The following TUBGCP4 variants were observed in gnomAD, a reference collection of about 807,000 sequenced individuals.
TUBGCP4 encodes the protein tubulin gamma complex component 4.
Under a neutral mutation model 91.6 loss-of-function variants are expected in TUBGCP4, and 54 were observed. The ratio of observed to expected loss-of-function variants is 0.59; its 90% confidence interval spans 0.47 to 0.74. TUBGCP4 has a LOEUF of 0.74. TUBGCP4 is among the 30% of genes least tolerant of loss of function. The probability of loss-of-function intolerance (pLI) is 0.00; values close to 1 mark genes in which losing one functional copy is unlikely to be tolerated. For synonymous variants in TUBGCP4, 297 were observed against 302.8 expected (o/e 0.98, Z 0.20); for missense variants, 593 against 800.9 (o/e 0.74, Z 3.13).
intron 1 of TUBGCP4, among the ~76,000 whole-genome samples, chr15:43,374,931 C>A (rs1285060543): frequency 6.6e-6 from 1 of 152,224 alleles, no homozygotes; most frequent in Non-Finnish European, 1.5e-5. Context: ...GAGACAGAGT[C>A]TCGCTCTGTT....
chr15:43,374,852 A>C (rs891478140), intron 1 of TUBGCP4, among the ~76,000 whole-genome samples: 2 of 152,256 alleles, frequency 1.3e-5, no homozygotes, highest in African/African-American at 4.8e-5. Context: ...AAATTCTGGC[A>C]TGTGCTACAA....
chr15:43,386,069 G>A (rs1476875279), intron 8 of TUBGCP4, 113 bp downstream of exon 8: 2 of 1,523,872 alleles, frequency 1.3e-6, no homozygotes, highest in Non-Finnish European at 1.8e-6. Context: ...TTCCTATCCT[G>A]AGATTGTAGC....
chr15:43,376,537 T>G lies in TUBGCP4; in HGVS notation c.242T>G (p.Leu81Ter), dbSNP rs533037994. The change falls in exon 3 of 18, where the codon TTA (leucine) becomes TGA (stop). Residue 81 changes from leucine to a stop codon, truncating the protein, a stop_gained. Coordinates refer to ENST00000564079, the MANE Select transcript of TUBGCP4 (RefSeq NM_014444.5). LOFTEE classifies it high-confidence loss of function. ...HHPSQQGQGGLHGIYLRAFCT... is the reference protein window; with the variant it reads ...HHPSQQGQGG ...CCATCTCAACAGGGCCAAGGTGGGT[T>G]ACATGGAATCTACCTGCGGGCCTTC... The G allele has an allele frequency of 6.2e-7, 1 of 1,614,244 alleles. No homozygotes were observed. The highest frequency in any genetic ancestry group is 1.3e-5 in the African/African-American group (1 of 75,056).
chr15:43,400,342 C>A lies in TUBGCP4; in HGVS notation c.1596+121C>A, dbSNP rs1264463508. 25 of 682,748 alleles carry A rather than the reference C, an allele frequency of 3.7e-5. No homozygotes were observed. The East Asian group carries it at 6.3e-4, about 17-fold the overall frequency. The allele number at this position is 682,748 out of a possible 1,614,324, so 42.3% of individuals were successfully genotyped here. On this transcript the variant is annotated intron_variant, in intron 14 of 17. Transcript: ENST00000564079. ...TAAAATGGTGGGGTTTGGGAAAATT[C>A]AGGAGTTATATCACCAAGCATGTTT...
chr15:43,378,518 C>T (rs2044240711), intron 5 of TUBGCP4, among the ~76,000 whole-genome samples: 1 of 152,150 alleles, frequency 6.6e-6, no homozygotes, highest in Non-Finnish European at 1.5e-5. Flanking sequence ...TAGCTCAAGT[C>T]GTCATTTTTT....
chr15:43,408,808 A>G lies in TUBGCP4; in HGVS notation c.*3594A>G. On this transcript the variant is annotated 3_prime_UTR_variant, in exon 18 of 18. Transcript: ENST00000564079. ...ATCCCACAGACATTCCAATTTCTAG[A>G]AAGCTTTACTCTCTCACCTAGATTC... 7.6e-7 allele frequency: 1 copy of G among 1,320,982 alleles called. No individual in the cohort carries two copies. Among genetic ancestry groups the G allele is most frequent in the Non-Finnish European group, 1.1e-6 (1 of 933,866 alleles). 81.8% of individuals were successfully genotyped at this position (1,320,982 alleles called of 1,614,324 possible). A position where few individuals can be genotyped will look rare whatever the true frequency, so the allele number is the denominator to read the frequency against.
Position 43,383,358 on chromosome 15 carries a change from C to G in TUBGCP4, c.577C>G (p.His193Asp). The change falls in exon 7 of 18, where the codon CAT becomes GAT. Residue 193 changes from histidine (H) to aspartate (D), a missense_variant. Physicochemically the swap from His to Asp is moderately conservative, Grantham distance 81. Coordinates refer to ENST00000564079, the MANE Select transcript of TUBGCP4 (RefSeq NM_014444.5). ...MYKQLSAWMLHGLLLDQHEEF... is the reference protein window; with the variant it reads ...MYKQLSAWMLDGLLLDQHEEF... ...TAAACAGCTCTCAGCCTGGATGCTC[C>G]ATGGACTCCTCTTGGACCAGCATGA... The G allele has an allele frequency of 6.2e-7, 1 of 1,614,182 alleles. No homozygotes were observed. Among genetic ancestry groups the G allele is most frequent in the Non-Finnish European group, 8.5e-7 (1 of 1,180,016 alleles).
intron 6 of TUBGCP4, among the ~76,000 whole-genome samples, chr15:43,382,421 A>C (rs1265084980): frequency 6.6e-6 from 1 of 151,782 alleles, no homozygotes; most frequent in Non-Finnish European, 1.5e-5. Context: ...TTTTGTTCTC[A>C]TGTCTTTTTA....
chr15:43,399,986 TG>T (rs1214871739), intron 13 of TUBGCP4, 57 bp from the exon 14 acceptor site: 5 of 1,434,710 alleles, frequency 3.5e-6, no homozygotes, highest in African/African-American at 1.4e-5. Flanking sequence ...GTCTGTCGTG[TG>T]GGGGAAGTGC....
In TUBGCP4 at chr15:43,385,875, G is replaced by A. The variant is rs781520621; in HGVS notation, c.808G>A (p.Val270Met). 1.2e-6 allele frequency: 2 copies of A among 1,614,086 alleles called. No homozygotes were observed. Among genetic ancestry groups the A allele is most frequent in the Non-Finnish European group, 1.7e-6 (2 of 1,180,014 alleles). Residue 270 changes from valine to methionine, a missense_variant, in exon 8 of 18, where the codon GTG becomes ATG. Transcript: ENST00000564079. ...GGAGATTTTGCCATCCTACATTCCA[G>A]TGAGGGTTGCTGAAAAAATCCTATT... is the stretch of plus-strand genomic sequence containing the variant. ...RVEILPSYIP[V>M]RVAEKILFVG...
intron 7 of TUBGCP4, among the ~76,000 whole-genome samples, chr15:43,385,082 C>T (rs778698110): frequency 8.6e-5 from 13 of 151,898 alleles, no homozygotes; most frequent in East Asian, 1.9e-4. Flanking sequence ...TGCTGGTATG[C>T]GGGGAAGAAG....
At position 43,385,781 on chromosome 15, in the gene TUBGCP4, C is replaced by A. The variant is rs201393666; in HGVS notation, c.724-10C>A. ...CACTGCATCTCGATGTGTACTCTTTCCTTGACTAGCGCCTGATTGAGGAAG... is the reference window on the plus strand; with the variant it reads ...CACTGCATCTCGATGTGTACTCTTTACTTGACTAGCGCCTGATTGAGGAAG... On this transcript the variant is annotated splice_polypyrimidine_tract_variant and intron_variant, in intron 7 of 17. Coordinates refer to ENST00000564079, the MANE Select transcript of TUBGCP4 (RefSeq NM_014444.5). 0.026 allele frequency: 41,346 copies of A among 1,613,742 alleles called. 738 individuals carry two copies. Among genetic ancestry groups the A allele is most frequent in the Middle Eastern group, 0.047 (283 of 6,060 alleles).
chr15:43,377,388 C>G (rs146441794), intron 4 of TUBGCP4, among the ~76,000 whole-genome samples: 1 of 151,984 alleles, frequency 6.6e-6, no homozygotes, highest in South Asian at 2.1e-4. Flanking sequence ...TTTGGGAGGC[C>G]GAGGTGGTTG....
At chr15:43,385,471 C>T in intron 7 of TUBGCP4, 1 of 455,456 alleles carries the variant, frequency 2.2e-6, no homozygotes, top group Non-Finnish European at 4.2e-6. Flanking sequence ...AGAGAGAAGA[C>T]CTGGAAAACA....
Position 43,407,297 on chromosome 15 carries a change from C to A in TUBGCP4, c.*2083C>A, listed in dbSNP as rs2044933667. The A allele has an allele frequency of 3.5e-6, 4 of 1,132,042 alleles. No homozygotes were observed. In the South Asian group the frequency reaches 5.8e-5, roughly 16 times the overall value. The allele number at this position is 1,132,042 out of a possible 1,614,324, so 70.1% of individuals were successfully genotyped here. On this transcript the variant is annotated 3_prime_UTR_variant, in exon 18 of 18. Coordinates refer to ENST00000564079, the MANE Select transcript of TUBGCP4 (RefSeq NM_014444.5). ...TATATACAAGATCCATGCAAGGAAT[C>A]CAGTTACACACAAGACACATTTAAA...
At chr15:43,385,315 A>C in intron 7 of TUBGCP4, 1 of 455,098 alleles carries the variant, frequency 2.2e-6, no homozygotes, top group South Asian at 1.6e-5. Context: ...AGCTTTTATG[A>C]TTGCAGAGAG....
rs763896441 is a variant in TUBGCP4, at chr15:43,385,780, T to C, written c.724-11T>C. The C allele has an allele frequency of 2.5e-6, 4 of 1,613,614 alleles. 1 individual carries two copies. The African/African-American group carries it at 5.3e-5, about 22-fold the overall frequency. On this transcript the variant is annotated splice_polypyrimidine_tract_variant and intron_variant, in intron 7 of 17. Coordinates refer to ENST00000564079, the MANE Select transcript of TUBGCP4 (RefSeq NM_014444.5). ...ACACTGCATCTCGATGTGTACTCTT[T>C]CCTTGACTAGCGCCTGATTGAGGAA...
chr15:43,371,268 G>A lies in TUBGCP4; in HGVS notation c.-87G>A, dbSNP rs956335551. 4.4e-5 allele frequency: 60 copies of A among 1,358,870 alleles called. No homozygotes were observed. Among genetic ancestry groups the A allele is most frequent in the Non-Finnish European group, 6.2e-5 (60 of 967,292 alleles). 84.2% of individuals were successfully genotyped at this position (1,358,870 alleles called of 1,614,324 possible). ...CCGACCCAGGGGCCGGTGCGCGTGTGGAAGGGGAAGCACTCCCCTCGTGGT... is the reference window on the plus strand; with the variant it reads ...CCGACCCAGGGGCCGGTGCGCGTGTAGAAGGGGAAGCACTCCCCTCGTGGT... On this transcript the variant is annotated 5_prime_UTR_variant, in exon 1 of 18. Coordinates refer to ENST00000564079, the MANE Select transcript of TUBGCP4 (RefSeq NM_014444.5).
At chr15:43,377,943 G>A in intron 5 of TUBGCP4, 40 bp downstream of exon 5, 1 of 1,452,806 alleles carries the variant, frequency 6.9e-7, no homozygotes, top group Middle Eastern at 1.8e-4. Flanking sequence ...GCTAAGCACT[G>A]AGGGAATATT....
Sources: allele counts gnomAD v4.1 joint callset (sites outside exome capture counted in the v4.1 genomes callset), GRCh38; gene constraint gnomAD v4.1.1; transcripts MANE v1.5; gene names NCBI Gene and HGNC (gene_info 2026-07-23, HGNC 2026-07-21).